Variants in RB1 observed in about 807,000 individuals in gnomAD.
RB1 encodes RB transcriptional corepressor 1, also known as retinoblastoma-associated protein.
A neutral mutation model predicts 135.4 loss-of-function variants in RB1; 18 were observed. The observed-to-expected ratio is 0.13, with a 90% confidence interval of 0.09 to 0.20. RB1 has a LOEUF of 0.20. RB1 is among the 10% of genes least tolerant of loss of function. The pLI is 1.00. For missense variants in RB1, 868 were observed against 1,110.0 expected (o/e 0.78, Z 3.10); for synonymous variants, 365 against 373.2 (o/e 0.98, Z 0.25).
In RB1 at chr13:48,319,772, G is replaced by A; in HGVS notation, c.264+12366G>A. 1 of 287,088 alleles carries A rather than the reference G, an allele frequency of 3.5e-6. No individual in the cohort carries two copies. The highest frequency in any genetic ancestry group is 4.6e-5 in the South Asian group (1 of 21,850). 17.8% of individuals were successfully genotyped at this position (287,088 alleles called of 1,614,324 possible). On this transcript the variant is annotated intron_variant, in intron 2 of 26. Coordinates refer to ENST00000267163, the MANE Select transcript of RB1 (RefSeq NM_000321.3). The surrounding 1 kb of genome is among the most constrained non-coding windows in gnomAD (Gnocchi z 5.0). ...ACCCCATCACATTTTTGGGTCGCAT[G>A]CTATCTCTTCTCATTCAGAAGCTGT...
chr13:48,363,208 T>G (rs964566105), intron 8 of RB1, among the ~76,000 whole-genome samples: 9 of 152,020 alleles, frequency 5.9e-5, no homozygotes, highest in Admixed American at 1.3e-4. Flanking sequence ...AATGTAGTTT[T>G]TTTTTTTTTT....
At chr13:48,382,989 A>C (rs1231093676) in intron 17 of RB1, among the ~76,000 whole-genome samples, 1 of 152,136 alleles carries the variant, frequency 6.6e-6, no homozygotes, top group Non-Finnish European at 1.5e-5. Flanking sequence ...AGGTTTGTCA[A>C]AGATCAGATG....
At chr13:48,386,267 A>C (rs1948571026) in intron 17 of RB1, among the ~76,000 whole-genome samples, 1 of 152,210 alleles carries the variant, frequency 6.6e-6, no homozygotes, top group African/African-American at 2.4e-5. Flanking sequence ...CATTGTGTGA[A>C]CATCATAGAG....
chr13:48,394,135 G>A (rs1293683088), intron 17 of RB1, among the ~76,000 whole-genome samples: 2 of 152,132 alleles, frequency 1.3e-5, no homozygotes, highest in Non-Finnish European at 2.9e-5. Flanking sequence ...CACCTCACCC[G>A]GGAAGCACAA....
Position 48,481,361 on chromosome 13 carries a change from C to T in RB1, c.*1290C>T, listed in dbSNP as rs1949537483. The T allele has an allele frequency of 1.3e-5, 3 of 231,940 alleles. No homozygotes were observed. The highest frequency in any genetic ancestry group is 6.6e-5 in the African/African-American group (3 of 45,366). The allele number at this position is 231,940 out of a possible 1,614,324, so 14.4% of individuals were successfully genotyped here. Reference sequence around the variant, plus strand: ...AGAGGCGCTTCTCCCCTCCCCTACACCTAAAGGTGTATTTAAACTATCTTG... The same window carrying T: ...AGAGGCGCTTCTCCCCTCCCCTACATCTAAAGGTGTATTTAAACTATCTTG... On this transcript the variant is annotated 3_prime_UTR_variant, in exon 27 of 27. Coordinates refer to ENST00000267163, the MANE Select transcript of RB1 (RefSeq NM_000321.3).
chr13:48,310,223 G>A (rs1314307245), intron 2 of RB1, among the ~76,000 whole-genome samples: 1 of 152,132 alleles, frequency 6.6e-6, no homozygotes, highest in African/African-American at 2.4e-5. Context: ...GATACAGTGT[G>A]TTCTAAGAAG....
intron 12 of RB1, among the ~76,000 whole-genome samples, 181 bp from the exon 13 acceptor site, chr13:48,376,737 C>T (rs902614272): frequency 1.3e-5 from 2 of 152,036 alleles, no homozygotes; most frequent in East Asian, 1.9e-4. Flanking sequence ...ATTTTTTGCT[C>T]ATTAACATCC....
chr13:48,448,420 G>A (rs1023010885), intron 17 of RB1, among the ~76,000 whole-genome samples: 3 of 152,172 alleles, frequency 2.0e-5, no homozygotes, highest in African/African-American at 7.2e-5. Context: ...CTCCATAGGA[G>A]ACAACTCATG....
intron 2 of RB1, among the ~76,000 whole-genome samples, chr13:48,321,799 T>C (rs570580225): frequency 1.3e-5 from 2 of 152,230 alleles, no homozygotes; most frequent in South Asian, 4.2e-4. Context: ...GAGGTTGCAG[T>C]GAGCCAAGGT....
chr13:48,363,367 ATAGCGAGAC>A (rs1243886890), intron 8 of RB1, among the ~76,000 whole-genome samples: 1 of 152,118 alleles, frequency 6.6e-6, no homozygotes, highest in Non-Finnish European at 1.5e-5. Flanking sequence ...CCTGAACAAC[ATAGCGAGAC>A]TCTGTCTCTA....
At chr13:48,439,188 A>T (rs1949212616) in intron 17 of RB1, among the ~76,000 whole-genome samples, 1 of 152,202 alleles carries the variant, frequency 6.6e-6, no homozygotes, top group Admixed American at 6.5e-5. Context: ...CAGCCATATA[A>T]TATGGGGCAA....
intron 17 of RB1, among the ~76,000 whole-genome samples, chr13:48,394,411 C>A (rs960166981): frequency 6.6e-6 from 1 of 152,188 alleles, no homozygotes; most frequent in South Asian, 2.1e-4. Context: ...GAACCATTCA[C>A]TCCCCCGGAA....
chr13:48,414,242 G>C (rs755280788), intron 17 of RB1, among the ~76,000 whole-genome samples: 1 of 151,810 alleles, frequency 6.6e-6, no homozygotes, highest in African/African-American at 2.4e-5. Flanking sequence ...AGCTACCCAG[G>C]AGACTGAGGC....
chr13:48,345,013 T>C, intron 3 of RB1, 67 bp from the exon 4 acceptor site: 1 of 1,522,402 alleles, frequency 6.6e-7, no homozygotes, highest in Non-Finnish European at 9.0e-7. Flanking sequence ...ATATCTATGA[T>C]TTGAAAACGA....
rs186745197 is a variant in RB1, at chr13:48,397,501, G to A, written c.1695+16058G>A. The stretch of plus-strand genomic sequence containing the variant: ...CACACCGGGGCCTGTCAGGGGGTGC[G>A]GGTCTAAGGGAGGGATAGCATTAGG... On this transcript the variant is annotated intron_variant, in intron 17 of 26. Coordinates refer to ENST00000267163, the MANE Select transcript of RB1 (RefSeq NM_000321.3). Among the ~76,000 whole-genome samples the A allele has an allele frequency of 4.9e-3, 742 of 152,220 alleles. 3 individuals are homozygous for A. The highest frequency in any genetic ancestry group is 0.017 in the African/African-American group (696 of 41,530).
intron 6 of RB1, among the ~76,000 whole-genome samples, chr13:48,354,715 A>G (rs1711936146): frequency 6.6e-6 from 1 of 152,100 alleles, no homozygotes; most frequent in South Asian, 2.1e-4. Context: ...CTGGCATAAA[A>G]GCAGATACAT....
At chr13:48,463,668 A>AT (rs1949419040) in intron 20 of RB1, 63 bp from the exon 21 acceptor site, 17 of 1,033,982 alleles carry the variant, frequency 1.6e-5, no homozygotes, top group Non-Finnish European at 2.4e-5. Context: ...AGAAAATGGT[A>AT]TTTTTTAAGA....
At chr13:48,368,700 T>A in intron 11 of RB1, 96 bp downstream of exon 11, 3 of 1,494,756 alleles carry the variant, frequency 2.0e-6, no homozygotes, top group Non-Finnish European at 2.7e-6. Context: ...TATTCATACA[T>A]ACATGTAAGA....
intron 6 of RB1, among the ~76,000 whole-genome samples, chr13:48,357,156 A>G (rs985330775): frequency 4.0e-5 from 6 of 151,826 alleles, no homozygotes; most frequent in African/African-American, 1.4e-4. Context: ...GAAAATCTTA[A>G]CATACTCTAT....
Sources: gnomAD v4.1 joint callset for allele counts (sites outside exome capture counted in the v4.1 genomes callset) on GRCh38, gnomAD v4.1.1 for gene constraint, Gnocchi (gnomAD v3.1) non-coding constraint, MANE v1.5 for transcripts, NCBI Gene and HGNC (gene_info 2026-07-23, HGNC 2026-07-21) for gene names.